RIT1: variants seen among roughly 807,000 people sequenced by gnomAD.
RIT1 encodes the protein Ras like without CAAX 1.
Under a neutral mutation model 25.6 loss-of-function variants are expected in RIT1, and 6 were observed. The observed-to-expected ratio is 0.23, with a 90% CI of 0.13 to 0.46. The LOEUF (loss-of-function observed/expected upper bound fraction) is 0.46. Ranked by LOEUF, RIT1 falls within the 20% of genes least tolerant of loss-of-function variation. RIT1 has a pLI of 0.99. For synonymous variants in RIT1, 81 were observed against 94.1 expected (o/e 0.86, Z 0.80); for missense variants, 219 against 284.4 (o/e 0.77, Z 1.65).
intron 5 of RIT1, among the ~76,000 whole-genome samples, chr1:155,901,972 TAAACAATACAACCATG>T: frequency 6.6e-6 from 1 of 152,024 alleles, no homozygotes; most frequent in Non-Finnish European, 1.5e-5. Context: ...AAAGAAACAC[TAAACAATACAACCATG>T]AAACTGATCA....
At chr1:155,902,118 T>C (rs1040284182) in intron 5 of RIT1, among the ~76,000 whole-genome samples, 1 of 152,126 alleles carries the variant, frequency 6.6e-6, no homozygotes, top group Non-Finnish European at 1.5e-5. Flanking sequence ...ATGTAGCCTC[T>C]GGGAAAAAAC....
rs1557957071 is a variant in RIT1, at chr1:155,898,539, A to C, written c.*1849T>G. On this transcript the variant is annotated 3_prime_UTR_variant, in exon 6 of 6. Transcript: ENST00000368323. The stretch of plus-strand genomic sequence containing the variant: ...AAAAAATATATATATATATATATAT[A>C]TATATCTCTTAATGTTAATAACAAT... 1 of 128,544 alleles carries C rather than the reference A, an allele frequency of 7.8e-6. No homozygotes were observed. Among genetic ancestry groups the C allele is most frequent in the South Asian group, 2.6e-4 (1 of 3,916 alleles). The allele number at this position is 128,544 out of a possible 1,614,324, so 8.0% of individuals were successfully genotyped here. A position where few individuals can be genotyped will look rare whatever the true frequency, so the allele number is the denominator to read the frequency against.
chr1:155,900,315 C>T lies in RIT1; in HGVS notation c.*73G>A. ...GTTAAGTGAAAGAGCAAGCACCATA[C>T]TCAGTACTGCAGGTTACTGGACTGC... On this transcript the variant is annotated 3_prime_UTR_variant, in exon 6 of 6. Coordinates refer to ENST00000368323, the MANE Select transcript of RIT1 (RefSeq NM_006912.6). 1 of 1,046,746 alleles carries T rather than the reference C, an allele frequency of 9.6e-7. No homozygotes were observed. Among genetic ancestry groups the T allele is most frequent in the African/African-American group, 1.6e-5 (1 of 63,748 alleles). The allele number at this position is 1,046,746 out of a possible 1,614,324, so 64.8% of individuals were successfully genotyped here. A position where few individuals can be genotyped will look rare whatever the true frequency, so the allele number is the denominator to read the frequency against.
At position 155,902,613 on chromosome 1, in the gene RIT1, AG is replaced by A. The variant is rs534846374; in HGVS notation, c.429+1697del. On this transcript the variant is annotated intron_variant, in intron 5 of 5. Transcript: ENST00000368323. ...TCCCAGCACTTTGGGAGGCCAAGGTAGGTGGATCACCTGATGTCAGGACTTC... is the reference window on the plus strand; with the variant it reads ...TCCCAGCACTTTGGGAGGCCAAGGTAGTGGATCACCTGATGTCAGGACTTC... Among the ~76,000 whole-genome samples the A allele has an allele frequency of 4.2e-3, 636 of 150,746 alleles. 4 individuals carry two copies. Among genetic ancestry groups the A allele is most frequent in the African/African-American group, 0.015 (619 of 41,070 alleles).
rs536320780 is a variant in RIT1, at chr1:155,909,192, G to A, written c.163+1258C>T. ...AGATTGAGACCATCCTGGCTAACAC[G>A]GTGAAATCCCATCTCTACTAAAAAT... On this transcript the variant is annotated intron_variant, in intron 3 of 5. Transcript: ENST00000368323. Among the ~76,000 whole-genome samples the A allele has an allele frequency of 2.9e-3, 434 of 151,780 alleles. 1 individual carries two copies. Among genetic ancestry groups the A allele is most frequent in the African/African-American group, 9.9e-3 (411 of 41,376 alleles).
At chr1:155,909,439 CCCA>C (rs1673534960) in intron 3 of RIT1, among the ~76,000 whole-genome samples, 1 of 151,840 alleles carries the variant, frequency 6.6e-6, no homozygotes, top group Non-Finnish European at 1.5e-5. Context: ...CTCTCCCATT[CCCA>C]CATCCATTTT....
chr1:155,898,845 T>C lies in RIT1; in HGVS notation c.*1543A>G, dbSNP rs1673249316. On this transcript the variant is annotated 3_prime_UTR_variant, in exon 6 of 6. Transcript: ENST00000368323. ...GACCACTACTCAGAGCTAAAAAAGT[T>C]CTAACAGTCACTTTTTAAAAAAGCT... 1 of 194,410 alleles carries C rather than the reference T, an allele frequency of 5.1e-6. No homozygotes were observed. Among genetic ancestry groups the C allele is most frequent in the South Asian group, 1.9e-4 (1 of 5,188 alleles). 12.0% of individuals were successfully genotyped at this position (194,410 alleles called of 1,614,324 possible).
Position 155,900,530 on chromosome 1 carries a change from T to C in RIT1, c.518A>G (p.Asp173Gly). The change falls in exon 6 of 6, where the codon GAT becomes GGT. Residue 173 changes from aspartate (D) to glycine (G), a missense_variant. Physicochemically the swap from Asp to Gly is moderately conservative, Grantham distance 94 (BLOSUM62 -1). Around this residue, in one of 3 missense-constraint regions of RIT1, gnomAD observed 81 missense variants for 83.8 expected, o/e 0.97. Coordinates refer to ENST00000368323, the MANE Select transcript of RIT1 (RefSeq NM_006912.6). ...TSAAYRYYID[D>G]VFHALVREIR... ...CTCCCGTACAAGGGCATGGAAAACA[T>C]CATCAATATAGTAGCGGTATGCAGC... 1 of 1,614,172 alleles carries C rather than the reference T, an allele frequency of 6.2e-7. No homozygotes were observed.
intron 5 of RIT1, among the ~76,000 whole-genome samples, chr1:155,901,474 T>C (rs901139802): frequency 6.6e-6 from 1 of 151,790 alleles, no homozygotes; most frequent in African/African-American, 2.4e-5. Context: ...AAACCCTGTC[T>C]CCACTTAAAA....
Position 155,910,510 on chromosome 1 carries a change from CA to C in RIT1, c.107-5del. ...CTGATGAACTGCATGGTCATGGCTT[CA>C]AAAGAAGAAATAAAAGTCAAATCCT... On this transcript the variant is annotated splice_polypyrimidine_tract_variant and splice_region_variant and intron_variant, in intron 2 of 5. Coordinates refer to ENST00000368323, the MANE Select transcript of RIT1 (RefSeq NM_006912.6). The C allele has an allele frequency of 3.7e-6, 6 of 1,614,036 alleles. No homozygotes were observed. The highest frequency in any genetic ancestry group is 4.2e-6 in the Non-Finnish European group (5 of 1,179,950).
intron 3 of RIT1, among the ~76,000 whole-genome samples, chr1:155,908,118 A>G (rs1485470283): frequency 1.3e-5 from 2 of 149,370 alleles, no homozygotes; most frequent in Non-Finnish European, 3.0e-5. Context: ...AAAAATACAG[A>G]TAACTCTTAC....
chr1:155,908,010 A>G (rs1673486304), intron 3 of RIT1, among the ~76,000 whole-genome samples: 1 of 151,882 alleles, frequency 6.6e-6, no homozygotes, highest in African/African-American at 2.4e-5. Flanking sequence ...GAATGGCATG[A>G]ACCCCGGGGG....
intron 3 of RIT1, among the ~76,000 whole-genome samples, chr1:155,906,479 G>A (rs1673440772): frequency 6.6e-6 from 1 of 152,078 alleles, no homozygotes; most frequent in Non-Finnish European, 1.5e-5. Context: ...GAAAATACCA[G>A]GCCAGGCACA....
intron 3 of RIT1, among the ~76,000 whole-genome samples, chr1:155,907,313 C>T (rs747015435): frequency 1.3e-5 from 2 of 150,722 alleles, no homozygotes; most frequent in Non-Finnish European, 2.9e-5. Context: ...AATCTCGGCT[C>T]ACTGCAACCT....
intron 5 of RIT1, among the ~76,000 whole-genome samples, chr1:155,901,333 T>C (rs542253536): frequency 6.6e-6 from 1 of 152,028 alleles, no homozygotes; most frequent in Admixed American, 6.6e-5. Flanking sequence ...GACCCTACTT[T>C]TACAAAATTT....
rs200232506 is a variant in RIT1, at chr1:155,900,342, T to C, written c.*46A>G. 1.4e-6 allele frequency: 2 copies of C among 1,417,032 alleles called. No homozygotes were observed. Among genetic ancestry groups the C allele is most frequent in the East Asian group, 2.3e-5 (1 of 44,038 alleles). 87.8% of individuals were successfully genotyped at this position (1,417,032 alleles called of 1,614,324 possible). On this transcript the variant is annotated 3_prime_UTR_variant, in exon 6 of 6. Transcript: ENST00000368323. ...CAGTACTGCAGGTTACTGGACTGCT[T>C]TGATACAGCACTGCAGTTCACAGAT...
chr1:155,910,899 T>G, intron 1 of RIT1, 95 bp from the exon 2 acceptor site: 1 of 1,563,004 alleles, frequency 6.4e-7, no homozygotes, highest in Non-Finnish European at 8.7e-7. Flanking sequence ...TATTCTGGCC[T>G]GTCCCTCTTA....
chr1:155,910,781 T>A lies in RIT1; in HGVS notation c.-20A>T, dbSNP rs776708681. 2 of 1,614,202 alleles carry A rather than the reference T, an allele frequency of 1.2e-6. No homozygotes were observed. Among genetic ancestry groups the A allele is most frequent in the Non-Finnish European group, 1.7e-6 (2 of 1,180,022 alleles). ...ATCCATTGTCCTCTTGGGGCCTTCC[T>A]CGGTTGCCCCGAGGAAAAGCCACCT... On this transcript the variant is annotated 5_prime_UTR_variant, in exon 2 of 6. Coordinates refer to ENST00000368323, the MANE Select transcript of RIT1 (RefSeq NM_006912.6).
chr1:155,910,325 G>T, intron 3 of RIT1, 125 bp downstream of exon 3: 1 of 789,912 alleles, frequency 1.3e-6, no homozygotes. Flanking sequence ...TGATACCCTT[G>T]TTTCTAAATA....
Sources: allele counts gnomAD v4.1 joint callset (sites outside exome capture counted in the v4.1 genomes callset), GRCh38; gene constraint gnomAD v4.1.1; regional missense constraint gnomAD v4.1.1; transcripts MANE v1.5; gene names NCBI Gene and HGNC (gene_info 2026-07-23, HGNC 2026-07-21).